Variants in MAGI1 observed in about 807,000 individuals in gnomAD.
MAGI1 encodes membrane-associated guanylate kinase, WW and PDZ domain-containing protein 1.
A neutral mutation model predicts 139.9 loss-of-function variants in MAGI1; 58 were observed. The ratio of observed to expected loss-of-function variants is 0.41; its 90% CI spans 0.34 to 0.52. MAGI1 has a LOEUF of 0.52. Among genes scored for constraint, MAGI1 ranks in the 20% least tolerant of loss-of-function variants. MAGI1 has a pLI of 0.12. For missense variants in MAGI1, 1,874 were observed against 1,901.6 expected (o/e 0.99, Z 0.27); for synonymous variants, 812 against 737.9 (o/e 1.10, Z -1.63).
intron 5 of MAGI1, among the ~76,000 whole-genome samples, chr3:65,455,541 T>C (rs1411106279): frequency 6.6e-6 from 1 of 151,954 alleles, no homozygotes; most frequent in African/African-American, 2.4e-5. Context: ...TGAAATGCCA[T>C]CTCTACAAAA....
intron 12 of MAGI1, among the ~76,000 whole-genome samples, chr3:65,412,804 C>T (rs1029987351): frequency 6.6e-6 from 1 of 152,278 alleles, no homozygotes; most frequent in African/African-American, 2.4e-5. Context: ...TCACTCAGCA[C>T]AGAGAACAAG....
At chr3:65,927,705 T>C (rs1465709591) in intron 1 of MAGI1, among the ~76,000 whole-genome samples, 1 of 152,046 alleles carries the variant, frequency 6.6e-6, no homozygotes, top group African/African-American at 2.4e-5. Context: ...GCAGTTCCTG[T>C]GGAAAGGGAC....
chr3:65,620,853 G>A (rs960808152), intron 2 of MAGI1, among the ~76,000 whole-genome samples: 3 of 152,092 alleles, frequency 2.0e-5, no homozygotes, highest in African/African-American at 7.2e-5. Context: ...GGAAAGCCAG[G>A]GGCTATTCTA....
intron 1 of MAGI1, among the ~76,000 whole-genome samples, chr3:65,717,026 G>A (rs752487552): frequency 1.4e-4 from 22 of 152,176 alleles, no homozygotes; most frequent in Non-Finnish European, 2.5e-4. Flanking sequence ...TGACTTTGCC[G>A]ATATGATTAA....
At chr3:65,610,590 T>C (rs1296160054) in intron 2 of MAGI1, among the ~76,000 whole-genome samples, 1 of 151,350 alleles carries the variant, frequency 6.6e-6, no homozygotes, top group African/African-American at 2.4e-5. Context: ...GAGATGGAAA[T>C]AAGGAATATG....
At chr3:65,994,743 A>G (rs1466219679) in intron 1 of MAGI1, among the ~76,000 whole-genome samples, 1 of 152,204 alleles carries the variant, frequency 6.6e-6, no homozygotes, top group Non-Finnish European at 1.5e-5. Flanking sequence ...TCACAGTATC[A>G]TCACTTCTAC....
At chr3:65,548,520 T>C (rs1422953297) in intron 2 of MAGI1, among the ~76,000 whole-genome samples, 1 of 37,552 alleles carries the variant, frequency 2.7e-5, no homozygotes, top group Admixed American at 2.4e-4. Context: ...TCTTTTTTTT[T>C]TTTTTTTTTT....
intron 12 of MAGI1, among the ~76,000 whole-genome samples, chr3:65,424,425 T>A: frequency 6.6e-6 from 1 of 152,168 alleles, no homozygotes. Flanking sequence ...GTCAAACACA[T>A]TACTGCTCTC....
intron 1 of MAGI1, among the ~76,000 whole-genome samples, chr3:65,973,699 G>C (rs181419760): frequency 1.3e-5 from 2 of 152,268 alleles, no homozygotes; most frequent in East Asian, 3.9e-4. Context: ...CCATAAAATA[G>C]GGATAATACT....
chr3:65,964,502 T>A (rs965382377), intron 1 of MAGI1, among the ~76,000 whole-genome samples: 2 of 151,510 alleles, frequency 1.3e-5, no homozygotes, highest in African/African-American at 4.9e-5. Context: ...GAAAGGTATA[T>A]CCTTTTATAC....
intron 5 of MAGI1, among the ~76,000 whole-genome samples, chr3:65,461,573 C>T (rs541723237): frequency 6.6e-6 from 1 of 150,660 alleles, no homozygotes; most frequent in Non-Finnish European, 1.5e-5. Flanking sequence ...ACTGCAAGCT[C>T]CGCCTCCCGG....
chr3:66,023,095 G>T (rs1200287055), intron 1 of MAGI1, among the ~76,000 whole-genome samples: 1 of 152,218 alleles, frequency 6.6e-6, no homozygotes, highest in Non-Finnish European at 1.5e-5. Context: ...AATGAAGGAA[G>T]TGGATCGGGG....
At chr3:65,384,366 C>G (rs765949542) in intron 14 of MAGI1, among the ~76,000 whole-genome samples, 25 of 152,052 alleles carry the variant, frequency 1.6e-4, no homozygotes, top group Admixed American at 5.9e-4. Context: ...TCTCGTTATT[C>G]CCTAAGTAAT....
At chr3:65,361,378 T>C (rs1559886539) in intron 21 of MAGI1, 41 bp from the exon 22 acceptor site, 4 of 1,604,592 alleles carry the variant, frequency 2.5e-6, no homozygotes, top group Non-Finnish European at 2.6e-6. Flanking sequence ...TTGAAATTCA[T>C]GTACGGATTC....
At chr3:65,612,547 C>T (rs1237385320) in intron 2 of MAGI1, among the ~76,000 whole-genome samples, 2 of 151,998 alleles carry the variant, frequency 1.3e-5, no homozygotes, top group Non-Finnish European at 2.9e-5. Context: ...CTACTTTATT[C>T]ATATTGTAGT....
rs566056642 is a variant in MAGI1, at chr3:65,437,593, C to T, written c.1271-346G>A. Among the ~76,000 whole-genome samples, 137 of 152,200 alleles carry T rather than the reference C, an allele frequency of 9.0e-4. 1 individual carries two copies. The highest frequency in any genetic ancestry group is 1.3e-4 in the Non-Finnish European group (9 of 68,014). ...TTCTCTAATCTGATTCAGACATGAG[C>T]TGGGCTGCTGAGGCCAGCTTGTCTT... On this transcript the variant is annotated intron_variant, in intron 9 of 22. Coordinates refer to ENST00000402939, the MANE Select transcript of MAGI1 (RefSeq NM_001033057.2).
chr3:65,916,929 T>C (rs1240487747), intron 1 of MAGI1, among the ~76,000 whole-genome samples: 1 of 152,178 alleles, frequency 6.6e-6, no homozygotes, highest in East Asian at 1.9e-4. Context: ...TCTTGGATAA[T>C]CATACACGTA....
chr3:65,583,211 CCAG>C (rs761036751), intron 2 of MAGI1, among the ~76,000 whole-genome samples: 12 of 152,228 alleles, frequency 7.9e-5, no homozygotes, highest in Admixed American at 2.0e-4. Context: ...CAGTGTGAGT[CCAG>C]ATGTCAAGCA....
chr3:66,018,125 G>GA (rs1397856055), intron 1 of MAGI1, among the ~76,000 whole-genome samples: 2 of 135,874 alleles, frequency 1.5e-5, no homozygotes, highest in South Asian at 5.2e-4. Context: ...GGGGGGGGGG[G>GA]TGTCTGCACA....
Sources: allele counts gnomAD v4.1 joint callset (sites outside exome capture counted in the v4.1 genomes callset), GRCh38; gene constraint gnomAD v4.1.1; transcripts MANE v1.5; gene names NCBI Gene and HGNC (gene_info 2026-07-23, HGNC 2026-07-21).